Variants in CSMD3 observed in about 807,000 individuals in gnomAD.
The protein encoded by CSMD3 is CUB and Sushi multiple domains 3.
CSMD3 carries 177 observed loss-of-function variants against 435.2 expected under a neutral mutation model. That is an observed-to-expected ratio of 0.41 (90% CI 0.36 to 0.46). CSMD3 has a LOEUF of 0.46. Among genes scored for constraint, CSMD3 ranks in the 20% least tolerant of loss-of-function variants. The pLI is 0.34. For missense variants in CSMD3, 4,265 were observed against 4,504.6 expected (o/e 0.95, Z 1.52); for synonymous variants, 1,656 against 1,520.5 (o/e 1.09, Z -2.07).
chr8:112,738,764 T>G (rs2077240089), intron 13 of CSMD3, among the ~76,000 whole-genome samples: 1 of 151,738 alleles, frequency 6.6e-6, no homozygotes, highest in South Asian at 2.1e-4. Flanking sequence ...CCATTGCAAT[T>G]AAAACTTAAA....
At chr8:113,175,211 T>A (rs2092329786) in intron 3 of CSMD3, among the ~76,000 whole-genome samples, 1 of 151,746 alleles carries the variant, frequency 6.6e-6, no homozygotes, top group African/African-American at 2.4e-5. Flanking sequence ...CTTTCATTAA[T>A]TTTTTGCCTA....
At chr8:112,366,015 A>G (rs933531256) in intron 38 of CSMD3, among the ~76,000 whole-genome samples, 3 of 152,174 alleles carry the variant, frequency 2.0e-5, no homozygotes, top group Non-Finnish European at 4.4e-5. Context: ...TAGGATCAAG[A>G]CCCTGAAGCA....
chr8:112,871,670 G>T (rs988101096), intron 10 of CSMD3, among the ~76,000 whole-genome samples: 5 of 152,020 alleles, frequency 3.3e-5, no homozygotes, highest in African/African-American at 1.2e-4. Flanking sequence ...CATTAAATAA[G>T]AGACAGAGTT....
At chr8:112,579,179 T>C (rs1830160471) in intron 23 of CSMD3, among the ~76,000 whole-genome samples, 1 of 152,148 alleles carries the variant, frequency 6.6e-6, no homozygotes, top group Middle Eastern at 3.4e-3. Context: ...AGCAACTAAT[T>C]TGGTTAATTA....
At chr8:112,453,080 C>T (rs1028758554) in intron 32 of CSMD3, among the ~76,000 whole-genome samples, 1 of 152,070 alleles carries the variant, frequency 6.6e-6, no homozygotes, top group Non-Finnish European at 1.5e-5. Context: ...CAATTATTTC[C>T]TCAAATGAAA....
At chr8:112,269,990 G>C (rs1308636155) in intron 59 of CSMD3, among the ~76,000 whole-genome samples, 2 of 152,080 alleles carry the variant, frequency 1.3e-5, no homozygotes, top group East Asian at 3.9e-4. Flanking sequence ...CACTGGTAGT[G>C]GGCTTAATGA....
At chr8:112,909,354 C>A (rs1258482164) in intron 10 of CSMD3, among the ~76,000 whole-genome samples, 2 of 151,488 alleles carry the variant, frequency 1.3e-5, no homozygotes, top group Non-Finnish European at 3.0e-5. Context: ...ACTTAAAAAT[C>A]TGTCATAAAT....
intron 3 of CSMD3, among the ~76,000 whole-genome samples, chr8:113,237,842 C>T (rs1305078013): frequency 1.3e-5 from 2 of 151,954 alleles, no homozygotes; most frequent in African/African-American, 2.4e-5. Flanking sequence ...TTTGGGAGGC[C>T]GAGGTGGGCA....
chr8:113,176,656 G>A (rs1214220598), intron 3 of CSMD3, among the ~76,000 whole-genome samples: 1 of 151,564 alleles, frequency 6.6e-6, no homozygotes, highest in Non-Finnish European at 1.5e-5. Context: ...TTGAATTTCA[G>A]AACAGAAAAC....
intron 27 of CSMD3, among the ~76,000 whole-genome samples, chr8:112,529,494 G>A (rs1490864079): frequency 6.6e-6 from 1 of 152,128 alleles, no homozygotes; most frequent in Non-Finnish European, 1.5e-5. Flanking sequence ...GGCTGAGGCA[G>A]AAGGATCAGT....
rs574106095 is a variant in CSMD3 at position 112,764,561 on chromosome 8, AG to A, written c.1972+35600del. Among the ~76,000 whole-genome samples the A allele has an allele frequency of 3.6e-3, 542 of 151,600 alleles. 7 individuals are homozygous for A. Among genetic ancestry groups the A allele is most frequent in the African/African-American group, 0.013 (527 of 41,484 alleles). ...GTAAACTTGAGGGCTAAGTGTACAC[AG>A]TTCAAAAACTTTTCATTTGTTATTT... On this transcript the variant is annotated intron_variant, in intron 13 of 70. Coordinates refer to ENST00000297405, the MANE Select transcript of CSMD3 (RefSeq NM_198123.2).
At chr8:112,785,597 A>C (rs1446095265) in intron 13 of CSMD3, among the ~76,000 whole-genome samples, 1 of 152,106 alleles carries the variant, frequency 6.6e-6, no homozygotes, top group Admixed American at 6.6e-5. Context: ...AAAAATCAGT[A>C]GCATTTCTAT....
intron 9 of CSMD3, among the ~76,000 whole-genome samples, chr8:112,927,170 G>T (rs1356837077): frequency 6.6e-6 from 1 of 151,878 alleles, no homozygotes; most frequent in African/African-American, 2.4e-5. Context: ...TTGCACATTA[G>T]AATATCTAAG....
chr8:112,353,877 C>T (rs868830835), intron 38 of CSMD3, among the ~76,000 whole-genome samples: 3 of 152,146 alleles, frequency 2.0e-5, no homozygotes, highest in East Asian at 3.9e-4. Context: ...TACCAAAACA[C>T]GGCAAAGACA....
At chr8:113,222,356 AAG>A (rs2092977858) in intron 3 of CSMD3, among the ~76,000 whole-genome samples, 2 of 150,548 alleles carry the variant, frequency 1.3e-5, no homozygotes, top group Non-Finnish European at 3.0e-5. Context: ...TATAAAAAAG[AAG>A]AGTCTTTGTA....
chr8:112,832,579 G>A (rs1028529722), intron 11 of CSMD3, among the ~76,000 whole-genome samples: 3 of 152,136 alleles, frequency 2.0e-5, no homozygotes, highest in Non-Finnish European at 4.4e-5. Flanking sequence ...TTAGCATGGA[G>A]CAGTGGGTGG....
rs765550744 is a variant in CSMD3, at chr8:112,844,072, C to T, written c.1756-14283G>A. 4.9e-4 allele frequency among the ~76,000 whole-genome samples: 75 copies of T among 151,888 alleles called. No individual in the cohort carries two copies. The Middle Eastern group carries it at 0.01, about 21-fold the overall frequency. On this transcript the variant is annotated intron_variant, in intron 11 of 70. Transcript: ENST00000297405. ...TTCCAAACTTGTTTCTGCACCTATA[C>T]AATCTATACAATAATATTAACTATT...
At chr8:113,298,563 C>T (rs1018824540) in intron 2 of CSMD3, among the ~76,000 whole-genome samples, 3 of 152,090 alleles carry the variant, frequency 2.0e-5, no homozygotes, top group Non-Finnish European at 4.4e-5. Flanking sequence ...AGTAGGTACT[C>T]ATCATTTAAT....
intron 13 of CSMD3, among the ~76,000 whole-genome samples, chr8:112,791,319 GAAAAAAA>G (rs3047119): frequency 1.9e-5 from 2 of 103,194 alleles, no homozygotes; most frequent in African/African-American, 3.9e-5. Context: ...CATATCCTGT[GAAAAAAA>G]AAAAAAAAAA....
Sources: allele counts gnomAD v4.1 joint callset (sites outside exome capture counted in the v4.1 genomes callset), GRCh38; gene constraint gnomAD v4.1.1; transcripts MANE v1.5; gene names NCBI Gene and HGNC (gene_info 2026-07-23, HGNC 2026-07-21).